PRKN: variants seen among roughly 807,000 people sequenced by gnomAD.
The protein encoded by PRKN is E3 ubiquitin-protein ligase parkin.
Under a neutral mutation model 59.5 loss-of-function variants are expected in PRKN, and 56 were observed. That is an observed-to-expected ratio of 0.94 (90% CI 0.76 to 1.18). The LOEUF (loss-of-function observed/expected upper bound fraction) is 1.18. PRKN is among the 50% of genes most tolerant of loss of function. The pLI is 0.00. For synonymous variants in PRKN, 250 were observed against 222.1 expected (o/e 1.13, Z -1.12); for missense variants, 657 against 596.4 (o/e 1.10, Z -1.06).
chr6:162,358,408 C>A (rs1784969272), intron 2 of PRKN, among the ~76,000 whole-genome samples: 1 of 152,106 alleles, frequency 6.6e-6, no homozygotes, highest in Non-Finnish European at 1.5e-5. Flanking sequence ...GTTTGAAAAT[C>A]TTAGCATTAT....
At chr6:161,964,157 C>T (rs1396755529) in intron 6 of PRKN, among the ~76,000 whole-genome samples, 1 of 152,026 alleles carries the variant, frequency 6.6e-6, no homozygotes, top group Non-Finnish European at 1.5e-5. Context: ...GCCATGTAGA[C>T]TTTGGTTTGT....
intron 9 of PRKN, among the ~76,000 whole-genome samples, chr6:161,490,024 G>A (rs1199137159): frequency 6.6e-6 from 1 of 152,188 alleles, no homozygotes; most frequent in Non-Finnish European, 1.5e-5. Flanking sequence ...GTGGCATCAA[G>A]CCCCATAAAG....
chr6:162,115,801 C>T (rs1780648259), intron 4 of PRKN, among the ~76,000 whole-genome samples: 1 of 152,172 alleles, frequency 6.6e-6, no homozygotes, highest in Admixed American at 6.5e-5. Context: ...CCAGCTGTAA[C>T]TGGCAGTAGA....
chr6:161,383,353 A>C (rs1334134273), intron 10 of PRKN, among the ~76,000 whole-genome samples: 1 of 152,224 alleles, frequency 6.6e-6, no homozygotes, highest in Admixed American at 6.5e-5. Flanking sequence ...AAACTTGGGA[A>C]GATTGGTAAA....
intron 1 of PRKN, among the ~76,000 whole-genome samples, chr6:162,552,334 T>C (rs562364089): frequency 1.4e-4 from 21 of 152,238 alleles, no homozygotes; most frequent in Admixed American, 5.2e-4. Flanking sequence ...ATCTACGTTT[T>C]AATAAGAGTA....
intron 8 of PRKN, among the ~76,000 whole-genome samples, chr6:161,556,954 C>T (rs1780262065): frequency 1.3e-5 from 2 of 152,098 alleles, no homozygotes; most frequent in Non-Finnish European, 2.9e-5. Context: ...AAATAGTTTG[C>T]AAATTTCTAG....
chr6:161,629,440 T>C (rs894931861), intron 7 of PRKN, among the ~76,000 whole-genome samples: 5 of 151,984 alleles, frequency 3.3e-5, no homozygotes, highest in Admixed American at 2.6e-4. Flanking sequence ...CCCTTTCACC[T>C]CACCTCTCCC....
chr6:161,599,097 G>A (rs959243525), intron 7 of PRKN, among the ~76,000 whole-genome samples: 6 of 152,188 alleles, frequency 3.9e-5, no homozygotes, highest in Non-Finnish European at 5.9e-5. Context: ...CAAGGGGTGG[G>A]AGCAGATCCT....
intron 1 of PRKN, among the ~76,000 whole-genome samples, chr6:162,719,560 T>C (rs537560555): frequency 6.6e-6 from 1 of 151,830 alleles, no homozygotes; most frequent in East Asian, 1.9e-4. Context: ...AAAATTGTAA[T>C]CAGGACTGGA....
rs778868158 is a variant in PRKN, at chr6:161,393,036, A to C, written c.1084-6159T>G. 8.5e-5 allele frequency among the ~76,000 whole-genome samples: 13 copies of C among 152,144 alleles called. No individual in the cohort carries two copies. The highest frequency in any genetic ancestry group is 1.8e-4 in the Non-Finnish European group (12 of 68,038). Reference sequence around the variant, plus strand: ...TGTTTAGAAGTGAACCCTTTGAGGTAGAGAGACCCGGAGTCTGAGGCCTCT... The same window carrying C: ...TGTTTAGAAGTGAACCCTTTGAGGTCGAGAGACCCGGAGTCTGAGGCCTCT... On this transcript the variant is annotated intron_variant, in intron 9 of 11. Transcript: ENST00000366898. The surrounding 1 kb of genome is among the most constrained non-coding windows in gnomAD (Gnocchi z 4.7).
At chr6:162,117,171 G>A (rs1401222998) in intron 4 of PRKN, among the ~76,000 whole-genome samples, 1 of 152,206 alleles carries the variant, frequency 6.6e-6, no homozygotes, top group African/African-American at 2.4e-5. Context: ...AAGTGGGAAG[G>A]GAGAGAAAGT....
chr6:162,184,855 G>GAAACTTAAAGT (rs1783956281), intron 4 of PRKN, among the ~76,000 whole-genome samples: 2 of 152,100 alleles, frequency 1.3e-5, no homozygotes, highest in South Asian at 4.1e-4. Context: ...AAACCTTTGA[G>GAAACTTAAAGT]AAACTTAAAG....
intron 2 of PRKN, among the ~76,000 whole-genome samples, chr6:162,297,391 T>A (rs1781730001): frequency 6.6e-6 from 1 of 152,094 alleles, no homozygotes; most frequent in African/African-American, 2.4e-5. Flanking sequence ...TCCATCCACC[T>A]GTGTCTGATA....
Position 161,419,606 on chromosome 6 carries a change from T to G in PRKN, c.1084-32729A>C, listed in dbSNP as rs1166461013. ...TTTCACCATGTTGACCAGGCTGGTC[T>G]CAAACTCCTGACCTCAAGTGATCTG... is the stretch of plus-strand genomic sequence containing the variant. On this transcript the variant is annotated intron_variant, in intron 9 of 11. Coordinates refer to ENST00000366898, the MANE Select transcript of PRKN (RefSeq NM_004562.3). This position sits in a 1 kb window ranked among gnomAD's most constrained non-coding sequence, Gnocchi z 4.1. Among the ~76,000 whole-genome samples, 1 of 151,772 alleles carries G rather than the reference T, an allele frequency of 6.6e-6. No individual in the cohort carries two copies. Among genetic ancestry groups the G allele is most frequent in the Non-Finnish European group, 1.5e-5 (1 of 67,980 alleles).
chr6:161,513,784 G>C (rs146278091), intron 9 of PRKN, among the ~76,000 whole-genome samples: 1 of 152,100 alleles, frequency 6.6e-6, no homozygotes, highest in South Asian at 2.1e-4. Flanking sequence ...ACTTTACAAC[G>C]AGCATGGGAG....
chr6:161,526,631 G>T lies in PRKN; in HGVS notation c.1083+22223C>A, dbSNP rs1779026826. Among the ~76,000 whole-genome samples the T allele has an allele frequency of 1.3e-5, 2 of 151,262 alleles. No homozygotes were observed. On this transcript the variant is annotated intron_variant, in intron 9 of 11. Transcript: ENST00000366898. The surrounding 1 kb of genome is among the most constrained non-coding windows in gnomAD (Gnocchi z 4.1). The stretch of plus-strand genomic sequence containing the variant: ...ATAAAATCTCAAAGCATCAGTAATT[G>T]CTACATGAGGAGCAAACCCTCTGAT...
At chr6:162,435,746 C>T (rs958328363) in intron 2 of PRKN, among the ~76,000 whole-genome samples, 2 of 152,182 alleles carry the variant, frequency 1.3e-5, no homozygotes, top group South Asian at 4.1e-4. Context: ...AGAGAAGATG[C>T]TTGTATCAGT....
intron 7 of PRKN, among the ~76,000 whole-genome samples, chr6:161,717,205 G>A (rs1192970102): frequency 1.3e-5 from 2 of 152,194 alleles, no homozygotes; most frequent in African/African-American, 2.4e-5. Flanking sequence ...AGACTGGGAA[G>A]TCCAACATCG....
chr6:161,711,219 C>G (rs1398750754), intron 7 of PRKN, among the ~76,000 whole-genome samples: 1 of 152,094 alleles, frequency 6.6e-6, no homozygotes, highest in Non-Finnish European at 1.5e-5. Flanking sequence ...GGTCTGGTTC[C>G]TGCCTTTGAT....
Sources: gnomAD v4.1 joint callset for allele counts (sites outside exome capture counted in the v4.1 genomes callset) on GRCh38, gnomAD v4.1.1 for gene constraint, Gnocchi (gnomAD v3.1) non-coding constraint, MANE v1.5 for transcripts, NCBI Gene and HGNC (gene_info 2026-07-23, HGNC 2026-07-21) for gene names.